REXO5: variants seen among roughly 807,000 people sequenced by gnomAD.
The protein encoded by REXO5 is RNA exonuclease 5.
Under a neutral mutation model 88.5 loss-of-function variants are expected in REXO5, and 48 were observed. The observed-to-expected ratio is 0.54, with a 90% CI of 0.43 to 0.69. REXO5 has a LOEUF of 0.69. REXO5 is among the 30% of genes least tolerant of loss of function. REXO5 has a pLI of 0.00. For synonymous variants in REXO5, 311 were observed against 336.5 expected, an observed-to-expected ratio of 0.92 and a Z score of 0.83; for missense variants, 749 against 912.2, an observed-to-expected ratio of 0.82 and a Z score of 2.30.
intron 18 of REXO5, 68 bp from the exon 19 acceptor site, chr16:20,846,153 G>GT: frequency 8.2e-7 from 1 of 1,217,254 alleles, no homozygotes; most frequent in Non-Finnish European, 1.2e-6. Flanking sequence ...GAGGAAGAGT[G>GT]TTGCAGCCCT....
rs2080890618 is a variant in REXO5, at chr16:20,806,945, T to A, written c.-2-7T>A. ...TTTCCCCAGCTCTACCTCATCTTTC[T>A]CCACAGCCATGGAGCCAGAGAGGGA... On this transcript the variant is annotated splice_region_variant and splice_polypyrimidine_tract_variant and intron_variant, in intron 1 of 19. Transcript: ENST00000261377. 1 of 1,579,918 alleles carries A rather than the reference T, an allele frequency of 6.3e-7. No homozygotes were observed. Among genetic ancestry groups the A allele is most frequent in the East Asian group, 2.3e-5 (1 of 43,400 alleles).
rs2080879097 is a variant in REXO5 at position 20,806,551 on chromosome 16, G to A, written c.-157G>A. 7.3e-6 allele frequency: 11 copies of A among 1,509,646 alleles called. No individual in the cohort carries two copies. Among genetic ancestry groups the A allele is most frequent in the African/African-American group, 4.1e-5 (3 of 72,308 alleles). The allele number at this position is 1,509,646 out of a possible 1,614,324, so 93.5% of individuals were successfully genotyped here. On this transcript the variant is annotated 5_prime_UTR_variant, in exon 1 of 20. Coordinates refer to ENST00000261377, the MANE Select transcript of REXO5 (RefSeq NM_030941.3). ...TGTTGTTGGCAGCTGTGGCTAAGGAGGGGAGAACCTCTGCTCCCCGCCCGT... is the reference window on the plus strand; with the variant it reads ...TGTTGTTGGCAGCTGTGGCTAAGGAAGGGAGAACCTCTGCTCCCCGCCCGT...
At chr16:20,838,943 C>A (rs2081481661) in intron 13 of REXO5, among the ~76,000 whole-genome samples, 1 of 152,140 alleles carries the variant, frequency 6.6e-6, no homozygotes, top group Non-Finnish European at 1.5e-5. Context: ...TACTGGAAAC[C>A]CTTCTTGGTT....
chr16:20,842,469 C>G (rs2152512038), intron 15 of REXO5, among the ~76,000 whole-genome samples: 1 of 145,610 alleles, frequency 6.9e-6, no homozygotes, highest in East Asian at 2.1e-4. Flanking sequence ...TGTTTCTACC[C>G]TTTGTTTTGT....
Position 20,844,796 on chromosome 16 carries a change from C to T in REXO5, c.1887C>T (p.Ile629=). ...PRLFLGLEAV[I]LPKDLKSGKQ... is the part of the protein sequence containing the mutation. ...TCTTTCTTGGCCTGGAAGCTGTGAT[C>T]TTGCCTAAAGATCTTAAAAGTGGAA... The change falls in exon 17 of 20, where the codon ATC becomes ATT. Residue 629 remains isoleucine, a synonymous_variant. Transcript: ENST00000261377. The T allele has an allele frequency of 6.2e-7, 1 of 1,614,148 alleles. No individual in the cohort carries two copies. Among genetic ancestry groups the T allele is most frequent in the Non-Finnish European group, 8.5e-7 (1 of 1,180,018 alleles).
At chr16:20,845,301 A>G in intron 18 of REXO5, 60 bp downstream of exon 18, 2 of 1,430,916 alleles carry the variant, frequency 1.4e-6, no homozygotes, top group Admixed American at 2.4e-5. Context: ...GTGACACTTA[A>G]TCCTTTAATC....
At position 20,839,923 on chromosome 16, in the gene REXO5, G is replaced by C. The variant is rs1238514184; in HGVS notation, c.1488+64G>C. 3 of 953,146 alleles carry C rather than the reference G, an allele frequency of 3.1e-6. No individual in the cohort carries two copies. The East Asian group carries it at 7.4e-5, about 24-fold the overall frequency. 59.0% of individuals were successfully genotyped at this position (953,146 alleles called of 1,614,324 possible). A position where few individuals can be genotyped will look rare whatever the true frequency, so the allele number is the denominator to read the frequency against. ...CTTATTATAACCTCTCATCATTAAG[G>C]AAAGTAATACATGCTTTATTTAATT... On this transcript the variant is annotated intron_variant, in intron 14 of 19. Coordinates refer to ENST00000261377, the MANE Select transcript of REXO5 (RefSeq NM_030941.3).
In REXO5 at chr16:20,833,062, A is replaced by G; in HGVS notation, c.1322A>G (p.Asp441Gly). 6.2e-7 allele frequency: 1 copy of G among 1,613,766 alleles called. No homozygotes were observed. ...QKLLFLTRET[D>G]AGELPSSRNC... ...CTTCTTTTTTTGACCCGGGAGACAG[A>G]TGCTGGTGAACTTCCATCTTCCAGA... Residue 441 changes from aspartate (D) to glycine (G), a missense_variant, in exon 13 of 20, where the codon GAT becomes GGT. Physicochemically the swap from Asp to Gly is moderately conservative, Grantham distance 94. Transcript: ENST00000261377.
chr16:20,816,324 A>T, intron 5 of REXO5, 112 bp downstream of exon 5: 3 of 722,358 alleles, frequency 4.2e-6, no homozygotes, highest in South Asian at 2.1e-5. Context: ...GCACAAAAAC[A>T]ATTTTTTTTT....
chr16:20,824,812 A>G (rs996952802), intron 7 of REXO5, among the ~76,000 whole-genome samples: 2 of 152,062 alleles, frequency 1.3e-5, no homozygotes, highest in African/African-American at 4.8e-5. Context: ...GATCAAGACC[A>G]TCCTGGCCAA....
At chr16:20,813,631 C>G (rs899708195) in intron 3 of REXO5, among the ~76,000 whole-genome samples, 1 of 152,162 alleles carries the variant, frequency 6.6e-6, no homozygotes. Context: ...CCTACCTGGC[C>G]TGCTTCCCAT....
chr16:20,832,358 T>A, intron 12 of REXO5, 99 bp downstream of exon 12: 1 of 721,280 alleles, frequency 1.4e-6, no homozygotes, highest in Non-Finnish European at 2.2e-6. Context: ...TTGAGTCTAT[T>A]AAAAACTATT....
rs941568446 is a variant in REXO5, at chr16:20,813,176, A to G, written c.139-14A>G. The G allele has an allele frequency of 6.4e-7, 1 of 1,558,186 alleles. No individual in the cohort carries two copies. The highest frequency in any genetic ancestry group is 8.9e-7 in the Non-Finnish European group (1 of 1,129,224). ...ACCAATAATGGCTTGCTACGCCCTG[A>G]TTAATCTTTGCAGAAAGCCCGCTTA... On this transcript the variant is annotated splice_polypyrimidine_tract_variant and intron_variant, in intron 2 of 19. Transcript: ENST00000261377.
At chr16:20,840,533 G>A (rs755928910) in intron 15 of REXO5, 65 bp downstream of exon 15, 14 of 1,368,006 alleles carry the variant, frequency 1.0e-5, no homozygotes, top group Middle Eastern at 2.0e-4. Flanking sequence ...GACTGCTTGG[G>A]CCATGCAGAT....
At chr16:20,843,494 A>G (rs1452509876) in intron 15 of REXO5, among the ~76,000 whole-genome samples, 1 of 152,218 alleles carries the variant, frequency 6.6e-6, no homozygotes, top group African/African-American at 2.4e-5. Context: ...TTATCTCCAT[A>G]TTGATGCTAT....
chr16:20,846,535 G>T (rs1271609520), intron 19 of REXO5, among the ~76,000 whole-genome samples, 196 bp downstream of exon 19: 1 of 152,134 alleles, frequency 6.6e-6, no homozygotes, highest in African/African-American at 2.4e-5. Flanking sequence ...TACATTTATT[G>T]GTCCCTCAAG....
At chr16:20,809,635 A>T (rs2080966635) in intron 2 of REXO5, among the ~76,000 whole-genome samples, 1 of 152,232 alleles carries the variant, frequency 6.6e-6, no homozygotes, top group South Asian at 2.1e-4. Flanking sequence ...GATTGTACAC[A>T]ATTTGATTTG....
At chr16:20,848,923 T>C (rs1249254213) in intron 19 of REXO5, among the ~76,000 whole-genome samples, 1 of 152,222 alleles carries the variant, frequency 6.6e-6, no homozygotes, top group Admixed American at 6.5e-5. Context: ...ATTATTGATA[T>C]CCTGGTTCTG....
intron 1 of REXO5, 108 bp from the exon 2 acceptor site, chr16:20,806,844 A>C: frequency 7.0e-7 from 1 of 1,430,692 alleles, no homozygotes; most frequent in South Asian, 1.5e-5. Context: ...AGCGGATCCG[A>C]GGGAGGTTGA....
Sources: allele counts gnomAD v4.1 joint callset (sites outside exome capture counted in the v4.1 genomes callset), GRCh38; gene constraint gnomAD v4.1.1; transcripts MANE v1.5; gene names NCBI Gene and HGNC (gene_info 2026-07-23, HGNC 2026-07-21).